PDE1C: variants seen among roughly 807,000 people sequenced by gnomAD.
The protein encoded by PDE1C is dual specificity calcium/calmodulin-dependent 3',5'-cyclic nucleotide phosphodiesterase 1C.
In PDE1C, 62 loss-of-function variants were observed where a neutral mutation model predicts 93.1. The ratio of observed to expected loss-of-function variants is 0.67; its 90% CI spans 0.54 to 0.82. The LOEUF is 0.82. Among genes scored for constraint, PDE1C ranks in the 40% least tolerant of loss-of-function variants. The probability of loss-of-function intolerance (pLI) is 0.00; values close to 1 mark genes in which losing one functional copy is unlikely to be tolerated. For missense variants in PDE1C, 742 were observed against 884.6 expected (o/e 0.84, Z 2.04); for synonymous variants, 325 against 310.1 (o/e 1.05, Z -0.50).
chr7:31,933,239 AAAAAG>A (rs372854452), intron 2 of PDE1C, among the ~76,000 whole-genome samples: 196 of 152,286 alleles, frequency 1.3e-3, no homozygotes, highest in African/African-American at 4.5e-3. Flanking sequence ...TAATTTAAAA[AAAAAG>A]AAAACTACTA....
At chr7:31,622,975 C>T in the PDE1C span, among the ~76,000 whole-genome samples, 4 of 152,144 alleles carry the variant, frequency 2.6e-5, no homozygotes, top group African/African-American at 9.7e-5. Context: ...ATACTACAAA[C>T]ATCTACGCCA....
chr7:32,373,994 C>CAAAAG (rs932498899), intron 1 of PDE1C, among the ~76,000 whole-genome samples: 4 of 145,822 alleles, frequency 2.7e-5, no homozygotes, highest in South Asian at 4.5e-4. Flanking sequence ...GAGACTCTTT[C>CAAAAG]AAAAGAAAAG....
intron 2 of PDE1C, among the ~76,000 whole-genome samples, chr7:31,899,012 G>C (rs1372233174): frequency 6.6e-6 from 1 of 151,840 alleles, no homozygotes; most frequent in East Asian, 1.9e-4. Flanking sequence ...GAAGTTACCT[G>C]CTCCCCTCCC....
At chr7:32,375,441 T>C (rs1784417283) in intron 1 of PDE1C, among the ~76,000 whole-genome samples, 1 of 152,226 alleles carries the variant, frequency 6.6e-6, no homozygotes, top group Non-Finnish European at 1.5e-5. Context: ...GGGCAATTTG[T>C]ACCCCTCTCC....
intron 6 of PDE1C, among the ~76,000 whole-genome samples, chr7:31,870,757 A>G (rs1391646386): frequency 1.3e-5 from 2 of 152,006 alleles, no homozygotes; most frequent in Admixed American, 6.6e-5. Flanking sequence ...CTAATTTTAC[A>G]TTGCCAGCAT....
chr7:31,722,913 C>G, the PDE1C span, among the ~76,000 whole-genome samples: 1 of 152,192 alleles, frequency 6.6e-6, no homozygotes, highest in African/African-American at 2.4e-5. Flanking sequence ...CAGTTTTTCT[C>G]TCCTGAGTGT....
At position 32,399,329 on chromosome 7, in the gene PDE1C, T is replaced by C. The variant is rs73305840; in HGVS notation, c.310+28493A>G. Among the ~76,000 whole-genome samples the C allele has an allele frequency of 5.3e-3, 813 of 152,316 alleles. 5 individuals carry two copies. Among genetic ancestry groups the C allele is most frequent in the African/African-American group, 0.018 (731 of 41,566 alleles). ...GTACTGGTCAGACCCTGTAGGATCC[T>C]GTATTATTTTGCCACAACAAAATGC... On this transcript the variant is annotated intron_variant, in intron 1 of 1. Transcript: ENST00000672256.
At chr7:31,762,186 C>G (rs536590614) in intron 17 of PDE1C, among the ~76,000 whole-genome samples, 2 of 152,308 alleles carry the variant, frequency 1.3e-5, no homozygotes, top group East Asian at 3.9e-4. Flanking sequence ...AGAGCCTTTC[C>G]TTTTGTAGAA....
the PDE1C span, among the ~76,000 whole-genome samples, chr7:31,675,329 G>A: frequency 6.6e-6 from 1 of 152,034 alleles, no homozygotes; most frequent in East Asian, 1.9e-4. Flanking sequence ...ATGATTTCTG[G>A]GAGTCACTTC....
upstream of PDE1C, among the ~76,000 whole-genome samples, chr7:32,075,238 T>C (rs1034850768): frequency 6.6e-6 from 1 of 152,228 alleles, no homozygotes; most frequent in Non-Finnish European, 1.5e-5. Context: ...AGCTATGAGA[T>C]GATGACTACT....
chr7:32,312,649 G>A (rs1783072806), intron 1 of PDE1C, among the ~76,000 whole-genome samples: 1 of 152,136 alleles, frequency 6.6e-6, no homozygotes, highest in Non-Finnish European at 1.5e-5. Context: ...AACAAGAAAT[G>A]GGGAAAGGAT....
chr7:31,940,777 A>C lies in PDE1C; in HGVS notation c.129-59917T>G, dbSNP rs141961106. Among the ~76,000 whole-genome samples, 22 of 152,248 alleles carry C rather than the reference A, an allele frequency of 1.4e-4. No homozygotes were observed. The East Asian group carries it at 3.5e-3, about 24-fold the overall frequency. ...GAATAATGAATGGCAAGATGAATGA[A>C]ACCCAGCCACGCTCTGTGAGCAGGT... On this transcript the variant is annotated intron_variant, in intron 2 of 17. Coordinates refer to ENST00000396191, the MANE Select transcript of PDE1C (RefSeq NM_001191057.4).
chr7:31,886,546 A>G (rs1330789983), intron 2 of PDE1C, among the ~76,000 whole-genome samples: 1 of 152,192 alleles, frequency 6.6e-6, no homozygotes, highest in East Asian at 1.9e-4. Context: ...GAAGACAGAA[A>G]GCTAACCAGC....
At position 31,873,352 on chromosome 7, in the gene PDE1C, A is replaced by G. The variant is rs945684516; in HGVS notation, c.549T>C (p.His183=). 1.2e-6 allele frequency: 2 copies of G among 1,613,804 alleles called. No homozygotes were observed. Among genetic ancestry groups the G allele is most frequent in the African/African-American group, 1.3e-5 (1 of 74,926 alleles). ...VFSLNEASGD[H]ALKFIFYELL... ...GTTCATAGAAAATAAATTTCAGTGCATGATCCCCACTGGCCTCATTGAGGG... is the reference window on the plus strand; with the variant it reads ...GTTCATAGAAAATAAATTTCAGTGCGTGATCCCCACTGGCCTCATTGAGGG... The change falls in exon 6 of 18, where the codon CAT becomes CAC. Residue 183 remains histidine (H), a synonymous_variant. Transcript: ENST00000396191.
chr7:31,917,103 C>A (rs1249366045), intron 2 of PDE1C, among the ~76,000 whole-genome samples: 1 of 152,106 alleles, frequency 6.6e-6, no homozygotes, highest in Non-Finnish European at 1.5e-5. Context: ...GAAAGGTATA[C>A]CTCCTATCCA....
chr7:31,685,184 T>C, the PDE1C span, among the ~76,000 whole-genome samples: 1 of 151,998 alleles, frequency 6.6e-6, no homozygotes, highest in African/African-American at 2.4e-5. Context: ...TAAAACATTC[T>C]TGAATTGACA....
At chr7:32,265,015 A>G (rs1810464415) in intron 1 of PDE1C, among the ~76,000 whole-genome samples, 1 of 152,222 alleles carries the variant, frequency 6.6e-6, no homozygotes. Context: ...GCAACAGTCC[A>G]GTTTGTGATA....
chr7:31,886,608 GA>G (rs780381699), intron 2 of PDE1C, among the ~76,000 whole-genome samples: 30 of 152,124 alleles, frequency 2.0e-4, no homozygotes, highest in Non-Finnish European at 4.3e-4. Context: ...TGGGGGCTAA[GA>G]AAGCACAGAG....
intron 11 of PDE1C, among the ~76,000 whole-genome samples, chr7:31,831,685 G>A (rs1479612470): frequency 4.6e-5 from 7 of 152,062 alleles, no homozygotes; most frequent in African/African-American, 1.4e-4. Flanking sequence ...AAAATAAAGT[G>A]AAGAAGAAAA....
Sources: allele counts gnomAD v4.1 joint callset (sites outside exome capture counted in the v4.1 genomes callset), GRCh38; gene constraint gnomAD v4.1.1; transcripts MANE v1.5; gene names NCBI Gene and HGNC (gene_info 2026-07-23, HGNC 2026-07-21).